GAS7: variants seen among roughly 807,000 people sequenced by gnomAD.
The protein encoded by GAS7 is growth arrest-specific protein 7.
Under a neutral mutation model 71.1 loss-of-function variants are expected in GAS7, and 28 were observed. The observed-to-expected ratio is 0.39, with a 90% confidence interval of 0.29 to 0.54. GAS7 has a LOEUF of 0.54. Among genes scored for constraint, GAS7 ranks in the 20% least tolerant of loss-of-function variants. The pLI is 0.62. For synonymous variants in GAS7, 258 were observed against 245.8 expected (o/e 1.05, Z -0.46); for missense variants, 436 against 627.8 (o/e 0.69, Z 3.27).
At chr17:10,012,436 C>T (rs112857693) in intron 2 of GAS7, among the ~76,000 whole-genome samples, 4,086 of 151,848 alleles carry the variant, frequency 0.027, 154 homozygotes, top group African/African-American at 0.091. Context: ...TACAGGTGTG[C>T]GCCACCACAC....
chr17:10,195,572 C>T (rs1265846598), intron 1 of GAS7, among the ~76,000 whole-genome samples: 1 of 152,208 alleles, frequency 6.6e-6, no homozygotes, highest in Non-Finnish European at 1.5e-5. Flanking sequence ...GTACTTGTTT[C>T]TCCAACAGCT....
chr17:10,011,581 C>T (rs1037651078), intron 2 of GAS7, among the ~76,000 whole-genome samples: 1 of 152,232 alleles, frequency 6.6e-6, no homozygotes, highest in African/African-American at 2.4e-5. Context: ...CCTTCCCTTG[C>T]ATACCTACCC....
chr17:10,083,207 G>A (rs918884206), intron 1 of GAS7, among the ~76,000 whole-genome samples: 6 of 152,188 alleles, frequency 3.9e-5, no homozygotes, highest in African/African-American at 1.4e-4. Flanking sequence ...GTAATTTTCT[G>A]TAGACTTAAA....
At chr17:10,139,436 C>T (rs1348041260) in intron 1 of GAS7, among the ~76,000 whole-genome samples, 1 of 152,194 alleles carries the variant, frequency 6.6e-6, no homozygotes, top group Admixed American at 6.5e-5. Context: ...GATTTCTTAT[C>T]CCAGGTCCAG....
At chr17:10,182,674 G>A (rs1597840450) in intron 1 of GAS7, among the ~76,000 whole-genome samples, 3 of 152,110 alleles carry the variant, frequency 2.0e-5, no homozygotes, top group African/African-American at 7.2e-5. Flanking sequence ...CGACAGCAAG[G>A]ACCTGAGAGT....
At chr17:10,063,639 G>A (rs1567576001) in intron 1 of GAS7, among the ~76,000 whole-genome samples, 1 of 152,162 alleles carries the variant, frequency 6.6e-6, no homozygotes. Context: ...GGGTGTCAGG[G>A]TGAGGATCTC....
At position 10,198,327 on chromosome 17, in the gene GAS7, G is replaced by A; in HGVS notation, c.64C>T (p.Arg22Cys). The A allele has an allele frequency of 6.2e-7, 1 of 1,600,594 alleles. No individual in the cohort carries two copies. Among genetic ancestry groups the A allele is most frequent in the South Asian group, 1.1e-5 (1 of 90,904 alleles). Reference protein sequence around the residue: ...FSGERHGQGLRFAAGELITLL... With the variant: ...FSGERHGQGLCFAAGELITLL... The stretch of plus-strand genomic sequence containing the variant: ...GTGATCAGCTCGCCCGCGGCGAAGC[G>A]CAGCCCCTGGCCGTGCCGCTCCCCG... The change falls in exon 1 of 14, where the codon CGC becomes TGC. Residue 22 changes from arginine (R) to cysteine (C), a missense_variant. Coordinates refer to ENST00000432992, the MANE Select transcript of GAS7 (RefSeq NM_201433.2).
chr17:10,091,195 G>C (rs1029180702), intron 1 of GAS7, among the ~76,000 whole-genome samples: 1 of 152,046 alleles, frequency 6.6e-6, no homozygotes, highest in Admixed American at 6.6e-5. Context: ...AGCACAACAG[G>C]AAACTCCACA....
intron 1 of GAS7, among the ~76,000 whole-genome samples, chr17:10,084,949 G>A (rs538320877): frequency 5.3e-5 from 8 of 152,230 alleles, no homozygotes; most frequent in Admixed American, 2.6e-4. Flanking sequence ...AGGACACTTC[G>A]TGCTGATACT....
intron 1 of GAS7, among the ~76,000 whole-genome samples, chr17:10,138,281 T>A (rs1432431479): frequency 6.6e-6 from 1 of 152,138 alleles, no homozygotes; most frequent in African/African-American, 2.4e-5. Flanking sequence ...CTTTTACAGA[T>A]GTGAAGGCAC....
chr17:9,949,490 TG>T (rs2068919392), intron 5 of GAS7, among the ~76,000 whole-genome samples: 1 of 152,236 alleles, frequency 6.6e-6, no homozygotes, highest in Non-Finnish European at 1.5e-5. Context: ...AGGAAGCTCC[TG>T]GGTGGCTAGA....
At chr17:10,133,120 A>T (rs1183102402) in intron 1 of GAS7, among the ~76,000 whole-genome samples, 9 of 119,972 alleles carry the variant, frequency 7.5e-5, no homozygotes, top group African/African-American at 2.8e-4. Flanking sequence ...ATATATTTTT[A>T]TATTTTTTTT....
At chr17:9,929,921 C>T (rs7225306) in intron 9 of GAS7, among the ~76,000 whole-genome samples, 52,968 of 152,098 alleles carry the variant, frequency 0.35, 9,680 homozygotes, top group Non-Finnish European at 0.42. Context: ...AGACTCAGGC[C>T]GGCCTGTCAT....
intron 8 of GAS7, among the ~76,000 whole-genome samples, chr17:9,938,764 A>G (rs568944989): frequency 6.6e-6 from 1 of 152,298 alleles, no homozygotes; most frequent in Non-Finnish European, 1.5e-5. Context: ...ACTTTTAAGC[A>G]GTCACAACCC....
At chr17:10,052,947 G>A (rs1445664720) in intron 1 of GAS7, among the ~76,000 whole-genome samples, 2 of 152,308 alleles carry the variant, frequency 1.3e-5, no homozygotes, top group East Asian at 3.9e-4. Flanking sequence ...CAACAATAGT[G>A]TCATACTCAA....
Position 10,053,849 on chromosome 17 carries a change from C to T in GAS7, c.184-33952G>A, listed in dbSNP as rs535882835. 1.1e-4 allele frequency among the ~76,000 whole-genome samples: 17 copies of T among 152,282 alleles called. 1 individual carries two copies. The highest frequency in any genetic ancestry group is 3.6e-4 in the African/African-American group (15 of 41,570). On this transcript the variant is annotated intron_variant, in intron 1 of 13. Coordinates refer to ENST00000432992, the MANE Select transcript of GAS7 (RefSeq NM_201433.2). ...AGAAAGTGACAATAAGAGGTGCTGG[C>T]GTCCTATCCATCCCCTGAGCATCAG...
At chr17:10,147,801 A>G (rs1024957868) in intron 1 of GAS7, among the ~76,000 whole-genome samples, 4 of 152,156 alleles carry the variant, frequency 2.6e-5, no homozygotes, top group Non-Finnish European at 4.4e-5. Context: ...ATCTTGGGGG[A>G]AAAAATCAGA....
chr17:10,160,939 T>TACACACACACACACACACAC (rs61578754), intron 1 of GAS7, among the ~76,000 whole-genome samples: 41 of 139,698 alleles, frequency 2.9e-4, no homozygotes, highest in African/African-American at 7.7e-4. Flanking sequence ...ATTGAAACCA[T>TACACACACACACACACACAC]ACACACACAC....
intron 1 of GAS7, among the ~76,000 whole-genome samples, chr17:10,051,094 C>A (rs2073055842): frequency 6.6e-6 from 1 of 152,214 alleles, no homozygotes; most frequent in African/African-American, 2.4e-5. Flanking sequence ...ATAACCCTGG[C>A]CAAGGCACTT....
Sources: gnomAD v4.1 joint callset for allele counts (sites outside exome capture counted in the v4.1 genomes callset) on GRCh38, gnomAD v4.1.1 for gene constraint, MANE v1.5 for transcripts, NCBI Gene and HGNC (gene_info 2026-07-23, HGNC 2026-07-21) for gene names.